ELFN2: variants seen among roughly 807,000 people sequenced by gnomAD.
ELFN2 encodes protein phosphatase 1 regulatory subunit 29.
In ELFN2, 17 loss-of-function variants were observed where a neutral mutation model predicts 45.5. The ratio of observed to expected loss-of-function variants is 0.37; its 90% CI spans 0.26 to 0.56. The LOEUF (loss-of-function observed/expected upper bound fraction) is 0.56, where lower values mean the gene tolerates loss of function less well. ELFN2 is among the 20% of genes least tolerant of loss of function. The probability of loss-of-function intolerance (pLI) is 0.77; values close to 1 mark genes in which losing one functional copy is unlikely to be tolerated. For synonymous variants in ELFN2, 550 were observed against 551.5 expected, an observed-to-expected ratio of 1.00 and a Z score of 0.04; for missense variants, 922 against 1,183.2, an observed-to-expected ratio of 0.78 and a Z score of 3.24.
At chr22:37,415,773 T>C (rs376290876) in intron 2 of ELFN2, among the ~76,000 whole-genome samples, 24 of 152,060 alleles carry the variant, frequency 1.6e-4, no homozygotes, top group African/African-American at 5.1e-4. Flanking sequence ...CCATCCTGGC[T>C]AACACCGTGA....
chr22:37,419,517 C>G (rs1461404918), intron 1 of ELFN2, among the ~76,000 whole-genome samples: 1 of 152,080 alleles, frequency 6.6e-6, no homozygotes, highest in Non-Finnish European at 1.5e-5. Context: ...AGACACCCTC[C>G]CCAACACGCA....
intron 2 of ELFN2, among the ~76,000 whole-genome samples, chr22:37,404,211 T>TG (rs939638698): frequency 2.6e-5 from 4 of 151,790 alleles, no homozygotes; most frequent in South Asian, 2.1e-4. Context: ...AGTGACATGC[T>TG]GGGGGGGTGA....
At chr22:37,344,540 G>A (rs1930650172) in intron 1 of ELFN2, among the ~76,000 whole-genome samples, 1 of 151,936 alleles carries the variant, frequency 6.6e-6, no homozygotes, top group Non-Finnish European at 1.5e-5. Context: ...CCTGGTCCTG[G>A]CCCAGTGCCA....
intron 2 of ELFN2, among the ~76,000 whole-genome samples, chr22:37,341,979 A>G (rs1284140906): frequency 1.3e-5 from 2 of 151,940 alleles, no homozygotes; most frequent in Non-Finnish European, 2.9e-5. Context: ...CCCACTCATC[A>G]CTTGCACTGC....
intron 2 of ELFN2, among the ~76,000 whole-genome samples, chr22:37,411,259 C>T (rs929639113): frequency 2.6e-5 from 4 of 152,174 alleles, no homozygotes; most frequent in South Asian, 2.1e-4. Flanking sequence ...CTCTGACCTG[C>T]GACCACCAAG....
At chr22:37,386,740 A>G (rs895378355) in intron 2 of ELFN2, among the ~76,000 whole-genome samples, 10 of 152,096 alleles carry the variant, frequency 6.6e-5, no homozygotes, top group Admixed American at 2.0e-4. Context: ...CACAGCCCAA[A>G]CGTGAGGCTA....
intron 1 of ELFN2, chr22:37,353,984 A>G (rs1930885587): frequency 1.3e-5 from 2 of 152,208 alleles, no homozygotes; most frequent in Admixed American, 1.3e-4. Context: ...AGCTTTCTTC[A>G]TCATCTTGCC....
Position 37,371,490 on chromosome 22 carries a change from G to A in ELFN2, c.*1582C>T, listed in dbSNP as rs1931366192. 1 of 152,278 alleles carries A rather than the reference G, an allele frequency of 6.6e-6. No homozygotes were observed. The highest frequency in any genetic ancestry group is 2.1e-4 in the South Asian group (1 of 4,830). 9.4% of individuals were successfully genotyped at this position (152,278 alleles called of 1,614,324 possible). Reference sequence around the variant, plus strand: ...CCCGCTGGGCCAGCTCCCACCCAGAGGTGAAGGATGATGGACTCCGGCCCA... The same window carrying A: ...CCCGCTGGGCCAGCTCCCACCCAGAAGTGAAGGATGATGGACTCCGGCCCA... On this transcript the variant is annotated 3_prime_UTR_variant, in exon 3 of 3. Transcript: ENST00000402918. This position sits in a 1 kb window ranked among gnomAD's most constrained non-coding sequence, Gnocchi z 6.4.
downstream of ELFN2, among the ~76,000 whole-genome samples, chr22:37,366,243 C>G (rs1409473611): frequency 2.0e-5 from 3 of 152,204 alleles, no homozygotes; most frequent in Non-Finnish European, 4.4e-5. Flanking sequence ...AGAATCACTT[C>G]TGAGTTGAAA....
intron 1 of ELFN2, among the ~76,000 whole-genome samples, chr22:37,343,958 G>A (rs1265159636): frequency 6.6e-6 from 1 of 151,898 alleles, no homozygotes; most frequent in Non-Finnish European, 1.5e-5. Context: ...ACAGGGCAGT[G>A]GGTGGAGGGG....
intron 1 of ELFN2, among the ~76,000 whole-genome samples, chr22:37,423,475 C>T (rs1299462263): frequency 1.3e-5 from 2 of 152,196 alleles, no homozygotes; most frequent in African/African-American, 4.8e-5. Context: ...GTGAGAGTTT[C>T]CCTTCGAGGG....
chr22:37,426,189 C>T (rs1932847493), intron 1 of ELFN2, among the ~76,000 whole-genome samples: 1 of 152,162 alleles, frequency 6.6e-6, no homozygotes, highest in Admixed American at 6.5e-5. Context: ...AGCACAGAGC[C>T]CTGAGCTGCA....
intron 2 of ELFN2, among the ~76,000 whole-genome samples, chr22:37,399,304 A>G (rs996990307): frequency 2.6e-5 from 4 of 152,128 alleles, no homozygotes; most frequent in African/African-American, 9.7e-5. Flanking sequence ...CCACCCTGTA[A>G]GGACTGGCTG....
intron 2 of ELFN2, among the ~76,000 whole-genome samples, chr22:37,388,302 T>C (rs555459325): frequency 7.2e-5 from 11 of 151,754 alleles, no homozygotes; most frequent in Non-Finnish European, 1.6e-4. Flanking sequence ...CTGGCCGGGG[T>C]CTCTCCTGTG....
intron 2 of ELFN2, among the ~76,000 whole-genome samples, chr22:37,341,518 G>A (rs190045946): frequency 1.6e-4 from 25 of 152,318 alleles, no homozygotes; most frequent in Admixed American, 1.4e-3. Context: ...TGTGCTGTGC[G>A]GCCCTGGGCA....
chr22:37,363,806 C>T (rs1397329438), downstream of ELFN2, among the ~76,000 whole-genome samples: 1 of 152,164 alleles, frequency 6.6e-6, no homozygotes, highest in African/African-American at 2.4e-5. Flanking sequence ...GCTGAGCTCC[C>T]AGAACGGCAG....
chr22:37,358,306 A>G (rs527308450), intron 1 of ELFN2, among the ~76,000 whole-genome samples: 1 of 152,354 alleles, frequency 6.6e-6, no homozygotes, highest in South Asian at 2.1e-4. Context: ...TTACATCTGC[A>G]CATGCTACAA....
chr22:37,344,197 ACACCTGCCCATGCCCCCTGCCCACACC>A (rs1930638633), intron 1 of ELFN2, among the ~76,000 whole-genome samples: 1 of 28,794 alleles, frequency 3.5e-5, no homozygotes, highest in East Asian at 1.0e-3. Flanking sequence ...CTGCCCATGC[ACACCTGCCCATGCCCCCTGCCCACACC>A]CACCTGCCCA....
chr22:37,383,039 C>T (rs1200198397), intron 2 of ELFN2, among the ~76,000 whole-genome samples: 1 of 152,214 alleles, frequency 6.6e-6, no homozygotes, highest in Admixed American at 6.5e-5. Flanking sequence ...CCAAGCTAAA[C>T]AGCACCACGT....
Sources: allele counts gnomAD v4.1 joint callset (sites outside exome capture counted in the v4.1 genomes callset), GRCh38; gene constraint gnomAD v4.1.1; non-coding constraint Gnocchi (gnomAD v3.1); transcripts MANE v1.5; gene names NCBI Gene and HGNC (gene_info 2026-07-23, HGNC 2026-07-21).